Variants in XIRP2 observed in about 807,000 individuals in gnomAD.
XIRP2 encodes xin actin binding repeat containing 2, also known as xin actin-binding repeat-containing protein 2.
XIRP2 carries 236 observed loss-of-function variants against 277.0 expected under a neutral mutation model. That is an observed-to-expected ratio of 0.85 (90% CI 0.77 to 0.95). The LOEUF is 0.95. XIRP2 is among the 40% of genes least tolerant of loss of function. XIRP2 has a pLI of 0.00. For synonymous variants in XIRP2, 1,490 were observed against 1,416.5 expected, an observed-to-expected ratio of 1.05 and a Z score of -1.17; for missense variants, 4,640 against 4,157.5, an observed-to-expected ratio of 1.12 and a Z score of -3.19.
chr2:167,025,841 CT>C (rs1688136555), intron 2 of XIRP2, among the ~76,000 whole-genome samples: 1 of 151,946 alleles, frequency 6.6e-6, no homozygotes, highest in African/African-American at 2.4e-5. Context: ...AATTTCTGTT[CT>C]TTTACATTTG....
At chr2:167,101,129 G>C (rs1162959385) in intron 2 of XIRP2, among the ~76,000 whole-genome samples, 1 of 152,076 alleles carries the variant, frequency 6.6e-6, no homozygotes, top group Non-Finnish European at 1.5e-5. Flanking sequence ...TGTAATTCAA[G>C]TACTATGACA....
chr2:167,144,777 G>A (rs1691819229), intron 3 of XIRP2, among the ~76,000 whole-genome samples: 1 of 152,032 alleles, frequency 6.6e-6, no homozygotes, highest in Non-Finnish European at 1.5e-5. Flanking sequence ...TTGGGATATG[G>A]CATCAGAATA....
chr2:167,101,937 C>G (rs1303746172), intron 2 of XIRP2, among the ~76,000 whole-genome samples: 1 of 152,088 alleles, frequency 6.6e-6, no homozygotes, highest in Admixed American at 6.6e-5. Flanking sequence ...TGTGGCACCT[C>G]TTAAACTTCA....
intron 2 of XIRP2, among the ~76,000 whole-genome samples, chr2:167,068,907 C>A (rs1331558906): frequency 2.6e-5 from 4 of 151,866 alleles, no homozygotes; most frequent in African/African-American, 9.7e-5. Flanking sequence ...CAAGACAATT[C>A]TTCTTCCAAT....
In XIRP2 at chr2:167,246,858, C is replaced by T. The variant is rs765801846; in HGVS notation, c.5466C>T (p.Thr1822=). The change falls in exon 9 of 11, where the codon ACC becomes ACT. Residue 1822 remains threonine (T), a synonymous_variant. Coordinates refer to ENST00000409195, the MANE Select transcript of XIRP2 (RefSeq NM_152381.6). Reference sequence around the variant, plus strand: ...ATAACACAGTTAAGGTTTTTATGACCGAGCCTCAGAGTACATTTGGTAAGA... The same window carrying T: ...ATAACACAGTTAAGGTTTTTATGACTGAGCCTCAGAGTACATTTGGTAAGA... ...DVHNTVKVFM[T]EPQSTFGKIP... 12 of 1,613,540 alleles carry T rather than the reference C, an allele frequency of 7.4e-6. No individual in the cohort carries two copies. In the East Asian group the frequency reaches 8.9e-5, roughly 12 times the overall value.
At chr2:167,254,305 T>C (rs950460458) in intron 10 of XIRP2, 140 bp downstream of exon 10, 1 of 1,050,718 alleles carries the variant, frequency 9.5e-7, no homozygotes, top group African/African-American at 1.7e-5. Flanking sequence ...GATTTGCTCA[T>C]GTTCTGTGAT....
At chr2:167,071,143 A>C (rs1022341668) in intron 2 of XIRP2, among the ~76,000 whole-genome samples, 1 of 152,198 alleles carries the variant, frequency 6.6e-6, no homozygotes, top group African/African-American at 2.4e-5. Context: ...TAAGACTTGG[A>C]AAGTCAATAA....
At chr2:166,948,324 A>G (rs560500318) in intron 2 of XIRP2, among the ~76,000 whole-genome samples, 2 of 152,196 alleles carry the variant, frequency 1.3e-5, no homozygotes, top group East Asian at 3.9e-4. Flanking sequence ...GAGGCAGGAC[A>G]TTATGGGAAA....
At chr2:166,974,038 A>G (rs1027340407) in intron 2 of XIRP2, among the ~76,000 whole-genome samples, 3 of 152,230 alleles carry the variant, frequency 2.0e-5, no homozygotes, top group Admixed American at 6.5e-5. Context: ...TAAGTTACAA[A>G]AGACAACTAC....
At chr2:166,908,382 T>C (rs945772520) in intron 2 of XIRP2, among the ~76,000 whole-genome samples, 1 of 152,364 alleles carries the variant, frequency 6.6e-6, no homozygotes, top group African/African-American at 2.4e-5. Context: ...TGAGCATTTT[T>C]TCATGTGTGT....
intron 3 of XIRP2, among the ~76,000 whole-genome samples, chr2:167,181,888 T>C (rs531237302): frequency 8.1e-4 from 124 of 152,278 alleles, no homozygotes; most frequent in Middle Eastern, 3.4e-3. Flanking sequence ...TGTTTATGCA[T>C]CCCTGTTTCC....
In XIRP2 at chr2:167,259,314, C is replaced by T. The variant is rs568287326; in HGVS notation, c.*1497C>T. The T allele has an allele frequency of 8.6e-5, 139 of 1,612,152 alleles. 1 individual carries two copies. The Middle Eastern group carries it at 2.0e-3, about 23-fold the overall frequency. The stretch of plus-strand genomic sequence containing the variant: ...GTGGAGGTGCAGTCAGAACAACTCA[C>T]GGTGGAAGAGCAGATTAAAAGAAAC... On this transcript the variant is annotated 3_prime_UTR_variant, in exon 11 of 11. Transcript: ENST00000409195.
chr2:167,124,688 G>A (rs1284380637), intron 2 of XIRP2, among the ~76,000 whole-genome samples: 1 of 152,152 alleles, frequency 6.6e-6, no homozygotes, highest in Non-Finnish European at 1.5e-5. Flanking sequence ...GAGGAGCTCT[G>A]ACATGGAGTG....
chr2:166,950,592 T>C (rs1686000639), intron 2 of XIRP2, among the ~76,000 whole-genome samples: 1 of 152,100 alleles, frequency 6.6e-6, no homozygotes, highest in African/African-American at 2.4e-5. Flanking sequence ...TCCAACTGAT[T>C]TGAAGATGGA....
rs73015909 is a variant in XIRP2 at position 167,093,170 on chromosome 2, A to C, written c.409-42739A>C. ...AATAGATGCGTAATCAATGCTATTA[A>C]TCAATATAATGATAGAACATAATTG... On this transcript the variant is annotated intron_variant, in intron 2 of 10. Transcript: ENST00000409195. 4.7e-3 allele frequency among the ~76,000 whole-genome samples: 717 copies of C among 152,028 alleles called. 12 individuals carry two copies. The highest frequency in any genetic ancestry group is 0.017 in the African/African-American group (699 of 41,438).
chr2:167,048,192 ATTC>A (rs1688835374), intron 2 of XIRP2, among the ~76,000 whole-genome samples: 1 of 151,938 alleles, frequency 6.6e-6, no homozygotes, highest in South Asian at 2.1e-4. Context: ...TGCATATTCC[ATTC>A]TTCTGCATAT....
At chr2:166,895,829 T>C (rs1439382984) in intron 1 of XIRP2, among the ~76,000 whole-genome samples, 1 of 152,154 alleles carries the variant, frequency 6.6e-6, no homozygotes, top group Non-Finnish European at 1.5e-5. Context: ...TAATTTTTAA[T>C]AGAATACAAA....
intron 2 of XIRP2, among the ~76,000 whole-genome samples, chr2:167,096,824 G>C (rs973163255): frequency 6.6e-6 from 1 of 152,114 alleles, no homozygotes; most frequent in South Asian, 2.1e-4. Flanking sequence ...CTCAGGAGCA[G>C]GTTGTTGAGT....
intron 3 of XIRP2, among the ~76,000 whole-genome samples, chr2:167,184,372 T>C (rs1573940202): frequency 6.6e-6 from 1 of 152,200 alleles, no homozygotes; most frequent in Non-Finnish European, 1.5e-5. Flanking sequence ...CACTTCACTT[T>C]TCTTGGGCTT....
Sources: allele counts gnomAD v4.1 joint callset (sites outside exome capture counted in the v4.1 genomes callset), GRCh38; gene constraint gnomAD v4.1.1; transcripts MANE v1.5; gene names NCBI Gene and HGNC (gene_info 2026-07-23, HGNC 2026-07-21).